The following INVS variants were observed in gnomAD, a reference collection of about 807,000 sequenced individuals.
The protein encoded by INVS is inversin, also known as inversion of embryo turning homolog.
INVS carries 86 observed loss-of-function variants against 108.8 expected under a neutral mutation model. That is an observed-to-expected ratio of 0.79 (90% confidence interval 0.66 to 0.95). The LOEUF is 0.95. Ranked by LOEUF, INVS falls within the 40% of genes least tolerant of loss-of-function variation. The probability of loss-of-function intolerance (pLI) is 0.00; values close to 1 mark genes in which losing one functional copy is unlikely to be tolerated. For missense variants in INVS, 1,169 were observed against 1,297.4 expected (o/e 0.90, Z 1.52); for synonymous variants, 455 against 473.5 (o/e 0.96, Z 0.51).
chr9:100,127,675 A>G (rs1827928728), intron 3 of INVS, among the ~76,000 whole-genome samples: 1 of 152,212 alleles, frequency 6.6e-6, no homozygotes, highest in Non-Finnish European at 1.5e-5. Context: ...GAATGCATAA[A>G]AAAAGGCTGA....
chr9:100,197,447 G>A (rs1830411814), intron 3 of INVS, among the ~76,000 whole-genome samples: 1 of 152,072 alleles, frequency 6.6e-6, no homozygotes, highest in Non-Finnish European at 1.5e-5. Flanking sequence ...GAAAAGATAA[G>A]CTGCATAATG....
intron 3 of INVS, among the ~76,000 whole-genome samples, chr9:100,189,133 A>G (rs1042755456): frequency 1.1e-5 from 1 of 94,348 alleles, no homozygotes; most frequent in Non-Finnish European, 2.0e-5. Flanking sequence ...TTTTTGGTTA[A>G]TATAGCTAAT....
chr9:100,100,946 A>ATTATATATG lies in INVS; in HGVS notation c.-25+1530_-25+1531insTTATATATG, dbSNP rs1564112354. Among the ~76,000 whole-genome samples, 69 of 31,514 alleles carry ATTATATATG rather than the reference A, an allele frequency of 2.2e-3. 2 individuals carry two copies. The highest frequency in any genetic ancestry group is 1.0e-2 in the African/African-American group (62 of 6,226). The allele number at this position is 31,514 out of a possible 152,430, so 20.7% of individuals were successfully genotyped here. The stretch of plus-strand genomic sequence containing the variant: ...TATATATAATATATATAATATATAT[A>ATTATATATG]CATATATATTATATATATAATATAT... On this transcript the variant is annotated intron_variant, in intron 1 of 16. Transcript: ENST00000262457.
At chr9:100,283,955 G>A (rs556141986) in intron 12 of INVS, among the ~76,000 whole-genome samples, 1 of 152,232 alleles carries the variant, frequency 6.6e-6, no homozygotes, top group South Asian at 2.1e-4. Flanking sequence ...TGTGCTTTCT[G>A]AAACAGGAGA....
intron 5 of INVS, among the ~76,000 whole-genome samples, chr9:100,232,738 G>A (rs759672263): frequency 6.6e-6 from 1 of 152,146 alleles, no homozygotes; most frequent in Admixed American, 6.5e-5. Context: ...CAAGTACCAT[G>A]CTGTTTTGTT....
intron 2 of INVS, chr9:100,116,636 A>C: frequency 3.0e-6 from 1 of 332,174 alleles, no homozygotes; most frequent in Non-Finnish European, 5.3e-6. Flanking sequence ...TCTGCCTAAC[A>C]CAAAATCAGG....
chr9:100,229,004 G>T (rs1831426417), intron 4 of INVS, among the ~76,000 whole-genome samples: 1 of 152,064 alleles, frequency 6.6e-6, no homozygotes, highest in Admixed American at 6.6e-5. Flanking sequence ...CACTTATCAG[G>T]CACTATGGCC....
At chr9:100,277,497 A>G (rs967043862) in intron 12 of INVS, among the ~76,000 whole-genome samples, 1 of 152,162 alleles carries the variant, frequency 6.6e-6, no homozygotes, top group Non-Finnish European at 1.5e-5. Context: ...TTAATTCAAG[A>G]TGGGCTTCAG....
chr9:100,178,783 T>A (rs564266052), intron 3 of INVS, among the ~76,000 whole-genome samples: 18 of 152,178 alleles, frequency 1.2e-4, no homozygotes, highest in African/African-American at 4.3e-4. Flanking sequence ...CAGGAAATAC[T>A]GAGAACACCA....
intron 10 of INVS, among the ~76,000 whole-genome samples, chr9:100,259,486 G>A (rs539823921): frequency 5.4e-4 from 81 of 151,358 alleles, no homozygotes; most frequent in Middle Eastern, 3.4e-3. Flanking sequence ...GAAATCACCC[G>A]TCTTCTTCAT....
chr9:100,100,043 A>G lies in INVS; in HGVS notation c.-25+627A>G, dbSNP rs1021742864. 7.9e-5 allele frequency among the ~76,000 whole-genome samples: 12 copies of G among 152,088 alleles called. No homozygotes were observed. In the South Asian group the frequency reaches 1.0e-3, roughly 13 times the overall value. ...AGTCCTAATCAGAATTACTCTTCCT[A>G]TGAGTGTGACTGCAGTACCTCTAGT... is the stretch of plus-strand genomic sequence containing the variant. On this transcript the variant is annotated intron_variant, in intron 1 of 16. Coordinates refer to ENST00000262457, the MANE Select transcript of INVS (RefSeq NM_014425.5).
intron 14 of INVS, among the ~76,000 whole-genome samples, chr9:100,296,690 C>T (rs954549534): frequency 3.3e-5 from 5 of 152,172 alleles, no homozygotes; most frequent in Non-Finnish European, 5.9e-5. Flanking sequence ...AGTCTGTGAG[C>T]TCCTTGAAGG....
chr9:100,223,316 C>T (rs563754721), intron 3 of INVS, among the ~76,000 whole-genome samples: 34 of 152,072 alleles, frequency 2.2e-4, no homozygotes, highest in African/African-American at 7.5e-4. Context: ...AGCCTGGTCT[C>T]GAACTCCTGA....
chr9:100,172,245 C>T (rs1204445902), intron 3 of INVS, among the ~76,000 whole-genome samples: 1 of 152,084 alleles, frequency 6.6e-6, no homozygotes, highest in Non-Finnish European at 1.5e-5. Context: ...TATTCATGAA[C>T]AAATTTACCC....
At chr9:100,184,500 T>C (rs1439020912) in intron 3 of INVS, among the ~76,000 whole-genome samples, 1 of 152,130 alleles carries the variant, frequency 6.6e-6, no homozygotes, top group East Asian at 1.9e-4. Flanking sequence ...TGTAAAAAAA[T>C]GAAGAAAAGA....
chr9:100,258,849 A>C (rs553832189), intron 10 of INVS, among the ~76,000 whole-genome samples: 1 of 152,302 alleles, frequency 6.6e-6, no homozygotes, highest in South Asian at 2.1e-4. Context: ...TCTCCCCGTT[A>C]GGCTATTGGG....
At chr9:100,160,494 T>G (rs1169811414) in intron 3 of INVS, among the ~76,000 whole-genome samples, 2 of 152,238 alleles carry the variant, frequency 1.3e-5, no homozygotes, top group African/African-American at 4.8e-5. Context: ...ACACATTTAT[T>G]AGTCAATAGA....
intron 7 of INVS, among the ~76,000 whole-genome samples, chr9:100,243,667 C>G (rs1831951411): frequency 6.6e-6 from 1 of 152,060 alleles, no homozygotes; most frequent in South Asian, 2.1e-4. Context: ...GATTTTGCTG[C>G]CTTCTACATG....
At chr9:100,100,033 T>C (rs1396469690) in intron 1 of INVS, among the ~76,000 whole-genome samples, 1 of 152,168 alleles carries the variant, frequency 6.6e-6, no homozygotes, top group African/African-American at 2.4e-5. Flanking sequence ...TAATCAGAAT[T>C]ACTCTTCCTA....
Sources: allele counts gnomAD v4.1 joint callset (sites outside exome capture counted in the v4.1 genomes callset), GRCh38; gene constraint gnomAD v4.1.1; transcripts MANE v1.5; gene names NCBI Gene and HGNC (gene_info 2026-07-23, HGNC 2026-07-21).